The following EVC variants were observed in gnomAD, a reference collection of about 807,000 sequenced individuals.
EVC encodes the protein evC complex member EVC.
EVC carries 116 observed loss-of-function variants against 118.9 expected under a neutral mutation model. That is an observed-to-expected ratio of 0.98 (90% CI 0.84 to 1.14). The LOEUF (loss-of-function observed/expected upper bound fraction) is 1.14, where lower values mean the gene tolerates loss of function less well. Among genes scored for constraint, EVC ranks in the 50% most tolerant of loss-of-function variants. The pLI is 0.00. For synonymous variants in EVC, 619 were observed against 534.7 expected (o/e 1.16, Z -2.18); for missense variants, 1,401 against 1,246.4 (o/e 1.12, Z -1.87).
At chr4:5,757,749 A>G (rs551976581) in intron 11 of EVC, among the ~76,000 whole-genome samples, 5 of 152,298 alleles carry the variant, frequency 3.3e-5, no homozygotes, top group Admixed American at 6.5e-5. Context: ...ACCTCATCTA[A>G]CCTTAATTAC....
chr4:5,818,432 G>A (rs1039581386), downstream of EVC, among the ~76,000 whole-genome samples: 9 of 152,092 alleles, frequency 5.9e-5, no homozygotes, highest in Admixed American at 1.3e-4. Flanking sequence ...ACTTAATGTC[G>A]ATAGGTTGAA....
intron 15 of EVC, 132 bp from the exon 16 acceptor site, chr4:5,801,818 T>G: frequency 9.1e-6 from 9 of 987,464 alleles, no homozygotes; most frequent in Non-Finnish European, 1.3e-5. Context: ...TCTGCCTGCT[T>G]CCTGACCAAT....
At chr4:5,795,431 C>T (rs181296081) in intron 13 of EVC, among the ~76,000 whole-genome samples, 20 of 152,124 alleles carry the variant, frequency 1.3e-4, no homozygotes, top group African/African-American at 3.9e-4. Context: ...GTGGGCAGAT[C>T]GCCTGAGCTC....
At chr4:5,767,757 G>A (rs981043535) in intron 11 of EVC, among the ~76,000 whole-genome samples, 3 of 152,150 alleles carry the variant, frequency 2.0e-5, no homozygotes, top group African/African-American at 7.2e-5. Flanking sequence ...CCCTGCTTCG[G>A]CTAGCACATG....
At chr4:5,717,334 G>A (rs1296066915) in intron 1 of EVC, among the ~76,000 whole-genome samples, 1 of 151,942 alleles carries the variant, frequency 6.6e-6, no homozygotes, top group African/African-American at 2.4e-5. Flanking sequence ...TTGTTTATTT[G>A]TTTAAAGTTT....
At chr4:5,795,938 A>G (rs1178512180) in intron 13 of EVC, among the ~76,000 whole-genome samples, 1 of 152,162 alleles carries the variant, frequency 6.6e-6, no homozygotes, top group Non-Finnish European at 1.5e-5. Context: ...GACTCCAGTG[A>G]CAGGATTTCT....
chr4:5,769,509 T>C (rs1236453855), intron 11 of EVC, among the ~76,000 whole-genome samples: 1 of 152,180 alleles, frequency 6.6e-6, no homozygotes, highest in Non-Finnish European at 1.5e-5. Context: ...CAGTCCATTT[T>C]CAGTTCACTT....
chr4:5,822,119 G>A, the EVC span, among the ~76,000 whole-genome samples: 1 of 152,228 alleles, frequency 6.6e-6, no homozygotes, highest in African/African-American at 2.4e-5. Flanking sequence ...CGACATTCCT[G>A]AGACAGGTGA....
the EVC span, chr4:5,828,763 G>C: frequency 7.2e-7 from 1 of 1,384,780 alleles, no homozygotes; most frequent in Middle Eastern, 1.9e-4. Context: ...TATCATAAGC[G>C]TGTTCCAATG....
chr4:5,736,073 A>G lies in EVC; in HGVS notation c.702+2638A>G, dbSNP rs369093283. On this transcript the variant is annotated intron_variant, in intron 5 of 20. Transcript: ENST00000264956. The stretch of plus-strand genomic sequence containing the variant: ...CCTGGCTGGCCCTGAGGAGGAAGAA[A>G]CTGGCTCTGGGCTTGTCCAAGAGGC... Among the ~76,000 whole-genome samples, 67 of 152,212 alleles carry G rather than the reference A, an allele frequency of 4.4e-4. No individual in the cohort carries two copies. In the South Asian group the frequency reaches 4.8e-3, roughly 11 times the overall value.
At chr4:5,752,504 A>G (rs796076655) in intron 8 of EVC, among the ~76,000 whole-genome samples, 6 of 152,242 alleles carry the variant, frequency 3.9e-5, no homozygotes, top group African/African-American at 1.2e-4. Flanking sequence ...GGAGATGACT[A>G]TAAGCCAGGT....
chr4:5,797,248 T>G lies in EVC; in HGVS notation c.2097+16T>G. On this transcript the variant is annotated intron_variant, in intron 14 of 20. Transcript: ENST00000264956. ...CAGGGCCCTGGTAAGACCAGCATGG[T>G]GGCCCCACCCATTCCAGACAGGCGG... 1 of 1,590,482 alleles carries G rather than the reference T, an allele frequency of 6.3e-7. No individual in the cohort carries two copies. Among genetic ancestry groups the G allele is most frequent in the Admixed American group, 1.7e-5 (1 of 57,522 alleles).
the EVC span, among the ~76,000 whole-genome samples, chr4:5,827,746 C>CACAT: frequency 7.9e-5 from 12 of 152,050 alleles, no homozygotes; most frequent in African/African-American, 1.9e-4. Context: ...CACACACACA[C>CACAT]ACACACACGA....
chr4:5,741,662 A>C (rs1270168046), intron 5 of EVC, 54 bp from the exon 6 acceptor site: 7 of 1,105,024 alleles, frequency 6.3e-6, no homozygotes, highest in Admixed American at 1.8e-5. Context: ...AGCAAAAGAC[A>C]AAAATACCAT....
chr4:5,790,848 C>G (rs1712635575), intron 12 of EVC, among the ~76,000 whole-genome samples: 1 of 152,170 alleles, frequency 6.6e-6, no homozygotes, highest in South Asian at 2.1e-4. Context: ...AATCTCAGCA[C>G]TTTGGGAGGC....
chr4:5,814,741 C>T (rs1717417604), downstream of EVC, among the ~76,000 whole-genome samples: 1 of 151,926 alleles, frequency 6.6e-6, no homozygotes. Flanking sequence ...TCATGATGTG[C>T]ATTCTTTCTG....
At chr4:5,728,994 A>G (rs1726325387) in intron 2 of EVC, among the ~76,000 whole-genome samples, 2 of 152,056 alleles carry the variant, frequency 1.3e-5, no homozygotes, top group East Asian at 1.9e-4. Context: ...TCATTCACCC[A>G]TCTGTCTGTC....
At chr4:5,758,315 A>C in intron 11 of EVC, 1 of 548,490 alleles carries the variant, frequency 1.8e-6, no homozygotes, top group Middle Eastern at 4.7e-4. Context: ...TAATGCACCC[A>C]GTTTGCGGCG....
rs556485373 is a variant in EVC, at chr4:5,755,339, G to A, written c.1465-925G>A. Among the ~76,000 whole-genome samples the A allele has an allele frequency of 1.3e-5, 2 of 152,278 alleles. No homozygotes were observed. The highest frequency in any genetic ancestry group is 3.4e-3 in the Middle Eastern group (1 of 294). On this transcript the variant is annotated intron_variant, in intron 10 of 20. Transcript: ENST00000264956. This position sits in a 1 kb window ranked among gnomAD's most constrained non-coding sequence, Gnocchi z 4.1. ...CGGAACGCCTCAGCGCTGGCGTTCA[G>A]GACACGTGGGACGCAGGCAGGGAAG...
Sources: gnomAD v4.1 joint callset for allele counts (sites outside exome capture counted in the v4.1 genomes callset) on GRCh38, gnomAD v4.1.1 for gene constraint, Gnocchi (gnomAD v3.1) non-coding constraint, MANE v1.5 for transcripts, NCBI Gene and HGNC (gene_info 2026-07-23, HGNC 2026-07-21) for gene names.